The following LPIN2 variants were observed in gnomAD, a reference collection of about 807,000 sequenced individuals.
LPIN2 encodes lipin 2, also known as phosphatidate phosphatase LPIN2.
LPIN2 carries 55 observed loss-of-function variants against 111.4 expected under a neutral mutation model. That is an observed-to-expected ratio of 0.49 (90% CI 0.40 to 0.62). The LOEUF is 0.62. LPIN2 is among the 20% of genes least tolerant of loss of function. The probability of loss-of-function intolerance (pLI) is 0.00; values close to 1 mark genes in which losing one functional copy is unlikely to be tolerated. For synonymous variants in LPIN2, 425 were observed against 414.0 expected, an observed-to-expected ratio of 1.03 and a Z score of -0.32; for missense variants, 992 against 1,112.1, an observed-to-expected ratio of 0.89 and a Z score of 1.54.
In LPIN2 at chr18:2,954,518, T is replaced by C. The variant is rs2077581425; in HGVS notation, c.274A>G (p.Thr92Ala). Residue 92 changes from threonine to alanine, a missense_variant, in exon 3 of 20, where the codon ACT becomes GCT. Thr to Ala is a moderately conservative substitution (Grantham distance 58). Coordinates refer to ENST00000677752, the MANE Select transcript of LPIN2 (RefSeq NM_001375808.2). ...DNGEAFFVEE[T>A]EEEYEKLPAY... is the part of the protein sequence containing the mutation. ...TGCAAACTTACATATTCTTCTTCAG[T>C]CTCCTCAACAAAGAAAGCTTCTCCG... The C allele has an allele frequency of 6.2e-7, 1 of 1,613,524 alleles. No homozygotes were observed. The highest frequency in any genetic ancestry group is 1.1e-5 in the South Asian group (1 of 91,060).
chr18:2,971,674 AGTGTTGC>A (rs2077914823), intron 1 of LPIN2, among the ~76,000 whole-genome samples: 1 of 151,270 alleles, frequency 6.6e-6, no homozygotes, highest in Non-Finnish European at 1.5e-5. Context: ...AAATATACAC[AGTGTTGC>A]GTTTTATCTC....
At chr18:2,939,967 A>G (rs551137213) in intron 5 of LPIN2, among the ~76,000 whole-genome samples, 1 of 152,238 alleles carries the variant, frequency 6.6e-6, no homozygotes, top group Non-Finnish European at 1.5e-5. Flanking sequence ...AGTTATGACT[A>G]TACTTTTTTT....
Position 2,920,088 on chromosome 18 carries a change from C to T in LPIN2, c.*205G>A, listed in dbSNP as rs369253714. 2 of 647,752 alleles carry T rather than the reference C, an allele frequency of 3.1e-6. No homozygotes were observed. The highest frequency in any genetic ancestry group is 3.6e-5 in the African/African-American group (2 of 55,368). 40.1% of individuals were successfully genotyped at this position (647,752 alleles called of 1,614,324 possible). A position where few individuals can be genotyped will look rare whatever the true frequency, so the allele number is the denominator to read the frequency against. On this transcript the variant is annotated 3_prime_UTR_variant, in exon 20 of 20. Transcript: ENST00000677752. ...AGGCCTCCAGCCCCAGGCCCAGTTC[C>T]TCCCTTCTCCTTCCAGGAGCTGAGC...
At chr18:2,968,648 T>C (rs2077849268) in intron 1 of LPIN2, among the ~76,000 whole-genome samples, 1 of 152,050 alleles carries the variant, frequency 6.6e-6, no homozygotes, top group African/African-American at 2.4e-5. Context: ...CAAGTATGTG[T>C]AAAGGGCTGA....
intron 11 of LPIN2, among the ~76,000 whole-genome samples, chr18:2,928,260 T>A (rs569753965): frequency 2.0e-5 from 3 of 152,356 alleles, no homozygotes; most frequent in African/African-American, 7.2e-5. Context: ...TCTTGCTGCT[T>A]CTTCCCATAT....
intron 1 of LPIN2, among the ~76,000 whole-genome samples, chr18:2,999,910 C>T (rs1189743788): frequency 6.6e-6 from 1 of 152,100 alleles, no homozygotes; most frequent in African/African-American, 2.4e-5. Context: ...AAAAAATAGC[C>T]AGGCACGGTG....
chr18:2,963,730 G>C (rs1379228079), intron 1 of LPIN2, among the ~76,000 whole-genome samples: 2 of 151,946 alleles, frequency 1.3e-5, no homozygotes, highest in African/African-American at 4.9e-5. Context: ...AATGGTCACA[G>C]AGCAGCATCC....
At chr18:2,945,904 T>C in intron 4 of LPIN2, 1 of 1,422,792 alleles carries the variant, frequency 7.0e-7, no homozygotes, top group Non-Finnish European at 9.9e-7. Flanking sequence ...ATGTTTCTCT[T>C]TTGTACAGCC....
At chr18:2,984,537 G>C (rs2078159395) in intron 1 of LPIN2, among the ~76,000 whole-genome samples, 2 of 152,016 alleles carry the variant, frequency 1.3e-5, no homozygotes, top group South Asian at 4.2e-4. Context: ...CAGCAAGAAG[G>C]GGAGGCTAGT....
rs1032761460 is a variant in LPIN2, at chr18:3,012,367, A to G, written c.-10+720T>C. Reference sequence around the variant, plus strand: ...AATGTCATCTTGAATTTTCAATGAAAAGAGTCTTAAAATGTTCAGGCGAGT... The same window carrying G: ...AATGTCATCTTGAATTTTCAATGAAGAGAGTCTTAAAATGTTCAGGCGAGT... On this transcript the variant is annotated intron_variant, in intron 1 of 19. Coordinates refer to ENST00000677752, the MANE Select transcript of LPIN2 (RefSeq NM_001375808.2). Among the ~76,000 whole-genome samples the G allele has an allele frequency of 6.6e-5, 10 of 152,226 alleles. No homozygotes were observed. In the East Asian group the frequency reaches 1.9e-3, roughly 29 times the overall value.
At position 2,921,619 on chromosome 18, in the gene LPIN2, ACTT is replaced by A. The variant is rs2077055757; in HGVS notation, c.2353_2355del (p.Lys785del). The A allele has an allele frequency of 3.1e-6, 5 of 1,613,250 alleles. No homozygotes were observed. In the South Asian group the frequency reaches 5.5e-5, roughly 18 times the overall value. ...ATATCATTTAGACACTCAATTTTGA[ACTT>A]CTCTGGTTTCTTTTCTATCACTTCT... is the stretch of plus-strand genomic sequence containing the variant. On this transcript the variant is annotated inframe_deletion, in exon 18 of 20. Transcript: ENST00000677752.
At chr18:3,002,817 G>A (rs56189813) in intron 1 of LPIN2, among the ~76,000 whole-genome samples, 6,856 of 152,198 alleles carry the variant, frequency 0.045, 182 homozygotes, top group Middle Eastern at 0.088. Flanking sequence ...TCCCACAATC[G>A]CTCAAGCAGT....
At chr18:2,946,207 T>C (rs773539577) in intron 4 of LPIN2, 2 of 1,608,130 alleles carry the variant, frequency 1.2e-6, no homozygotes, top group Admixed American at 3.3e-5. Context: ...TTGGTTCATC[T>C]GGGCTTGGTC....
rs2077001867 is a variant in LPIN2 at position 2,918,478 on chromosome 18, T to TG, written c.*1814dup. 1 of 152,238 alleles carries TG rather than the reference T, an allele frequency of 6.6e-6. No homozygotes were observed. The highest frequency in any genetic ancestry group is 2.1e-4 in the South Asian group (1 of 4,830). 9.4% of individuals were successfully genotyped at this position (152,238 alleles called of 1,614,324 possible). A position where few individuals can be genotyped will look rare whatever the true frequency, so the allele number is the denominator to read the frequency against. On this transcript the variant is annotated 3_prime_UTR_variant, in exon 20 of 20. Coordinates refer to ENST00000677752, the MANE Select transcript of LPIN2 (RefSeq NM_001375808.2). ...TGAAATAAGGTGGCTGCATGGCTGCTGTACTAGAATTCACAAACTGGGAAG... is the reference window on the plus strand; with the variant it reads ...TGAAATAAGGTGGCTGCATGGCTGCTGGTACTAGAATTCACAAACTGGGAAG...
At chr18:2,939,411 T>TA in intron 6 of LPIN2, 69 bp downstream of exon 6, 12 of 1,595,612 alleles carry the variant, frequency 7.5e-6, no homozygotes, top group Non-Finnish European at 1.0e-5. Flanking sequence ...CTCCTTTACT[T>TA]ATGGGCAGAG....
chr18:2,943,788 G>T (rs1460456656), intron 4 of LPIN2, among the ~76,000 whole-genome samples: 1 of 152,178 alleles, frequency 6.6e-6, no homozygotes, highest in Non-Finnish European at 1.5e-5. Context: ...TGTCATGGTA[G>T]TGTAACATCA....
chr18:2,994,252 T>G (rs1312181360), intron 1 of LPIN2, among the ~76,000 whole-genome samples: 1 of 152,040 alleles, frequency 6.6e-6, no homozygotes, highest in African/African-American at 2.4e-5. Context: ...AGTGTTTTTC[T>G]TCTTCATTTC....
At chr18:2,943,984 A>G (rs1443007734) in intron 4 of LPIN2, among the ~76,000 whole-genome samples, 1 of 152,164 alleles carries the variant, frequency 6.6e-6, no homozygotes, top group Non-Finnish European at 1.5e-5. Flanking sequence ...AAAAGAAAAG[A>G]CTCAAGGGGT....
At position 2,919,967 on chromosome 18, in the gene LPIN2, T is replaced by C. The variant is rs2077028145; in HGVS notation, c.*326A>G. 2.4e-6 allele frequency: 1 copy of C among 413,266 alleles called. No homozygotes were observed. The highest frequency in any genetic ancestry group is 3.5e-5 in the Admixed American group (1 of 28,186). The allele number at this position is 413,266 out of a possible 1,614,324, so 25.6% of individuals were successfully genotyped here. On this transcript the variant is annotated 3_prime_UTR_variant, in exon 20 of 20. Transcript: ENST00000677752. ...GTGTGCAGTGTTTTGGTCCACTCTT[T>C]TTTAGCTGCTTTTTTCTTCCTTTAA...
Sources: allele counts gnomAD v4.1 joint callset (sites outside exome capture counted in the v4.1 genomes callset), GRCh38; gene constraint gnomAD v4.1.1; transcripts MANE v1.5; gene names NCBI Gene and HGNC (gene_info 2026-07-23, HGNC 2026-07-21).